The following TENM1 variants were observed in gnomAD, a reference collection of about 807,000 sequenced individuals.
TENM1 encodes teneurin transmembrane protein 1, also known as teneurin-1.
A neutral mutation model predicts 174.8 loss-of-function variants in TENM1; 35 were observed. The observed-to-expected ratio is 0.20, with a 90% CI of 0.15 to 0.27. TENM1 has a LOEUF of 0.27. Ranked by LOEUF, TENM1 falls within the 10% of genes least tolerant of loss-of-function variation. The pLI is 1.00. For missense variants in TENM1, 1,633 were observed against 2,130.1 expected (o/e 0.77, Z 4.59); for synonymous variants, 781 against 798.7 (o/e 0.98, Z 0.37).
At chrX:124,627,499 C>T (rs971950823) in intron 11 of TENM1, among the ~76,000 whole-genome samples, 6 of 111,703 alleles carry the variant, frequency 5.4e-5, no homozygotes, top group East Asian at 2.8e-4. Flanking sequence ...GGCCAGGCTC[C>T]GTGGCAGTTA....
chrX:124,814,938 G>T, intron 3 of TENM1, among the ~76,000 whole-genome samples: 1 of 112,139 alleles, frequency 8.9e-6, no homozygotes, highest in East Asian at 2.8e-4. Context: ...AAACAAACAA[G>T]TTATTTCTGT....
chrX:124,476,057 T>C (rs2046717581), intron 22 of TENM1, among the ~76,000 whole-genome samples: 1 of 111,836 alleles, frequency 8.9e-6, no homozygotes, highest in Admixed American at 9.5e-5. Context: ...AATGGCTTTG[T>C]TACCAAGATG....
At chrX:124,664,679 G>GGTGTGTGT (rs576286188) in intron 6 of TENM1, among the ~76,000 whole-genome samples, 320 of 86,965 alleles carry the variant, frequency 3.7e-3, no homozygotes, top group African/African-American at 0.012. Flanking sequence ...GTACTTGTGG[G>GGTGTGTGT]GTGTGTGTGT....
At chrX:125,167,367 C>T in the TENM1 span, among the ~76,000 whole-genome samples, 3 of 111,294 alleles carry the variant, frequency 2.7e-5, no homozygotes, top group South Asian at 3.7e-4. Flanking sequence ...GGGACAACAA[C>T]TTTTCATAAA....
intron 22 of TENM1, among the ~76,000 whole-genome samples, chrX:124,480,266 T>A (rs1404477353): frequency 3.6e-5 from 4 of 111,920 alleles, no homozygotes; most frequent in Admixed American, 1.9e-4. Context: ...TTGTGTAGTG[T>A]AGACACTGTT....
At chrX:124,585,909 C>T (rs1381179930) in intron 11 of TENM1, among the ~76,000 whole-genome samples, 2 of 110,861 alleles carry the variant, frequency 1.8e-5, no homozygotes, top group Admixed American at 9.6e-5. Flanking sequence ...CTACAGATAC[C>T]TCTACACAAA....
At chrX:124,382,848 A>G (rs776701488) in intron 30 of TENM1, 36 bp from the exon 34 acceptor site, 2 of 1,129,335 alleles carry the variant, frequency 1.8e-6, no homozygotes, top group Admixed American at 5.8e-5. Flanking sequence ...AAAATGAAAA[A>G]TCCCATACTT....
the TENM1 span, among the ~76,000 whole-genome samples, chrX:125,097,096 C>T: frequency 9.0e-6 from 1 of 111,136 alleles, no homozygotes; most frequent in Non-Finnish European, 1.9e-5. Flanking sequence ...AGCTTCCAGA[C>T]TCACCAACCA....
Position 124,503,679 on chromosome X carries a change from G to A in TENM1, c.3326C>T (p.Thr1109Met), listed in dbSNP as rs757585859. 19 of 1,199,651 alleles carry A rather than the reference G, an allele frequency of 1.6e-5. No individual in the cohort carries two copies. In the East Asian group the frequency reaches 3.0e-4, roughly 19 times the overall value. ...CTCCCAGAGAATAAAGTCAGGGCAC[G>A]TTTCATATTCATATCCCACAGATAC... Residue 1109 changes from threonine to methionine, a missense_variant, in exon 19 of 32, where the codon ACG becomes ATG. Around this residue, in one of 4 missense-constraint regions of TENM1, gnomAD observed 449 missense variants for 636.2 expected, o/e 0.71. Coordinates refer to ENST00000422452, the Ensembl canonical transcript of TENM1.
upstream of TENM1, among the ~76,000 whole-genome samples, chrX:124,967,714 T>C (rs2058744252): frequency 8.9e-6 from 1 of 111,873 alleles, no homozygotes; most frequent in Non-Finnish European, 1.9e-5. Flanking sequence ...ATCTAGCTAA[T>C]TGCTAGGTCG....
intron 3 of TENM1, among the ~76,000 whole-genome samples, chrX:124,841,425 C>T (rs920866770): frequency 4.5e-5 from 5 of 111,221 alleles, no homozygotes; most frequent in East Asian, 2.9e-4. Flanking sequence ...AAGATTTCCT[C>T]GGCATGCAAC....
At chrX:124,527,858 G>A (rs1291223216) in intron 16 of TENM1, among the ~76,000 whole-genome samples, 4 of 100,221 alleles carry the variant, frequency 4.0e-5, no homozygotes, top group African/African-American at 7.4e-5. Context: ...GGGTTTCACC[G>A]TGTTAGCCAG....
At chrX:124,800,054 T>G (rs751481058) in intron 3 of TENM1, among the ~76,000 whole-genome samples, 1 of 112,279 alleles carries the variant, frequency 8.9e-6, no homozygotes, top group African/African-American at 3.2e-5. Context: ...GATATTGGTC[T>G]GAAGTTTTCT....
At chrX:125,007,830 C>T in the TENM1 span, among the ~76,000 whole-genome samples, 1 of 111,364 alleles carries the variant, frequency 9.0e-6, no homozygotes, top group Non-Finnish European at 1.9e-5. Context: ...CAAGCAAATG[C>T]TAAGGGATTT....
At chrX:124,764,808 T>A (rs191685181) in intron 3 of TENM1, among the ~76,000 whole-genome samples, 1 of 110,419 alleles carries the variant, frequency 9.1e-6, no homozygotes, top group East Asian at 2.9e-4. Context: ...AAAGGTATGA[T>A]TTTGGCCCAG....
At chrX:124,963,795 G>A (rs1392020729) in exon 1 of TENM1, 2 of 1,088,531 alleles carry the variant, frequency 1.8e-6, no homozygotes, top group Admixed American at 2.2e-5. Context: ...AAAGGATGAG[G>A]AAGTCCTTTA....
the TENM1 span, among the ~76,000 whole-genome samples, chrX:125,045,432 T>C: frequency 1.0e-3 from 117 of 111,914 alleles, no homozygotes; most frequent in African/African-American, 3.7e-3. Flanking sequence ...TATATAGTGG[T>C]CTCTGCTTTT....
chrX:124,807,326 T>C (rs906168573), intron 3 of TENM1, among the ~76,000 whole-genome samples: 1 of 111,858 alleles, frequency 8.9e-6, no homozygotes, highest in African/African-American at 3.3e-5. Flanking sequence ...ACTGCTGAAG[T>C]AAAAGAACTG....
intron 5 of TENM1, among the ~76,000 whole-genome samples, chrX:124,692,983 G>C (rs1321923349): frequency 1.0e-5 from 1 of 98,207 alleles, no homozygotes; most frequent in African/African-American, 3.8e-5. Flanking sequence ...ACTCCAGCCT[G>C]GGCGACAAGA....
Sources: gnomAD v4.1 joint callset for allele counts (sites outside exome capture counted in the v4.1 genomes callset) on GRCh38, gnomAD v4.1.1 for gene constraint, gnomAD v4.1.1 regional missense constraint, MANE v1.5 for transcripts, NCBI Gene and HGNC (gene_info 2026-07-23, HGNC 2026-07-21) for gene names.